The following PTPRD variants were observed in gnomAD, a reference collection of about 807,000 sequenced individuals.
PTPRD encodes the protein receptor-type tyrosine-protein phosphatase delta.
In PTPRD, 34 loss-of-function variants were observed where a neutral mutation model predicts 214.5. The observed-to-expected ratio is 0.16, with a 90% confidence interval of 0.12 to 0.21. The LOEUF (loss-of-function observed/expected upper bound fraction) is 0.21. Ranked by LOEUF, PTPRD falls within the 10% of genes least tolerant of loss-of-function variation. PTPRD has a pLI of 1.00. For synonymous variants in PTPRD, 1,128 were observed against 845.7 expected, an observed-to-expected ratio of 1.33 and a Z score of -5.79; for missense variants, 2,545 against 2,398.7, an observed-to-expected ratio of 1.06 and a Z score of -1.27.
chr9:10,506,437 G>A (rs535194909), intron 2 of PTPRD, among the ~76,000 whole-genome samples: 32 of 152,006 alleles, frequency 2.1e-4, no homozygotes, highest in African/African-American at 6.3e-4. Context: ...TCATGATTTC[G>A]ACTAATTTAT....
At chr9:9,126,331 G>A (rs116195460) in intron 10 of PTPRD, among the ~76,000 whole-genome samples, 201 of 152,218 alleles carry the variant, frequency 1.3e-3, no homozygotes, top group African/African-American at 4.5e-3. Context: ...GTTGCCAACC[G>A]GTCAGAAGGA....
chr9:9,936,581 G>T lies in PTPRD; in HGVS notation c.-368+1926C>A, dbSNP rs1347191002. The stretch of plus-strand genomic sequence containing the variant: ...ATTAAAAAGTCAGTAAACAACAGGT[G>T]CTGGAGAGGATGTGGAGAAATAGGA... On this transcript the variant is annotated intron_variant, in intron 5 of 45. Transcript: ENST00000381196. 4.6e-4 allele frequency among the ~76,000 whole-genome samples: 64 copies of T among 137,762 alleles called. 2 individuals carry two copies. The highest frequency in any genetic ancestry group is 3.3e-4 in the Non-Finnish European group (22 of 66,340). The allele number at this position is 137,762 out of a possible 152,430, so 90.4% of individuals were successfully genotyped here.
Position 9,450,124 on chromosome 9 carries a change from G to C in PTPRD, c.-236-52642C>G, listed in dbSNP as rs1489733249. On this transcript the variant is annotated intron_variant, in intron 8 of 45. Transcript: ENST00000381196. ...TGTGTGTGTGTGTGTGTGTGTCTGT[G>C]TGTGTGTGTGTGTGTGTATTACAGT... Among the ~76,000 whole-genome samples, 109 of 148,338 alleles carry C rather than the reference G, an allele frequency of 7.3e-4. 3 individuals are homozygous for C. Among genetic ancestry groups the C allele is most frequent in the South Asian group, 2.3e-3 (11 of 4,722 alleles).
At chr9:8,827,851 C>G (rs191003839) in intron 11 of PTPRD, among the ~76,000 whole-genome samples, 239 of 152,150 alleles carry the variant, frequency 1.6e-3, no homozygotes, top group Non-Finnish European at 2.4e-3. Context: ...TGAATAGGAC[C>G]TATTGAAAAG....
chr9:9,914,452 G>C (rs1162959241), intron 5 of PTPRD, among the ~76,000 whole-genome samples: 1 of 152,112 alleles, frequency 6.6e-6, no homozygotes, highest in Non-Finnish European at 1.5e-5. Context: ...AGGGGCCTAA[G>C]AAATAACCCT....
At chr9:10,182,445 G>A (rs989580260) in intron 3 of PTPRD, among the ~76,000 whole-genome samples, 2 of 151,134 alleles carry the variant, frequency 1.3e-5, no homozygotes, top group African/African-American at 4.9e-5. Context: ...TGGAAAATAG[G>A]GGAGATCAAA....
rs567141450 is a variant in PTPRD at position 9,129,259 on chromosome 9, G to A, written c.-143+54045C>T. Among the ~76,000 whole-genome samples, 8 of 152,228 alleles carry A rather than the reference G, an allele frequency of 5.3e-5. 1 individual carries two copies. The East Asian group carries it at 7.7e-4, about 15-fold the overall frequency. On this transcript the variant is annotated intron_variant, in intron 10 of 45. Coordinates refer to ENST00000381196, the MANE Select transcript of PTPRD (RefSeq NM_002839.4). ...ACCAAAATTAGCCAGGCATGGTAGCGGGCGGCTGTAATCCCAGCTACTTGG... is the reference window on the plus strand; with the variant it reads ...ACCAAAATTAGCCAGGCATGGTAGCAGGCGGCTGTAATCCCAGCTACTTGG...
chr9:8,786,092 G>A (rs537216155), intron 11 of PTPRD, among the ~76,000 whole-genome samples: 64 of 151,092 alleles, frequency 4.2e-4, no homozygotes, highest in Admixed American at 7.9e-4. Flanking sequence ...ATTGTTCACC[G>A]CTAGTGGCAA....
intron 10 of PTPRD, among the ~76,000 whole-genome samples, chr9:9,079,759 T>C (rs973676376): frequency 1.3e-5 from 2 of 152,064 alleles, no homozygotes; most frequent in African/African-American, 4.8e-5. Context: ...ATGTATGCAC[T>C]TATGTACTTT....
At chr9:9,618,740 A>T (rs1405205102) in intron 7 of PTPRD, among the ~76,000 whole-genome samples, 1 of 152,204 alleles carries the variant, frequency 6.6e-6, no homozygotes, top group Non-Finnish European at 1.5e-5. Flanking sequence ...TCTGAATTTC[A>T]GGAAAGAATT....
chr9:8,491,999 C>G (rs2097160496), intron 27 of PTPRD, among the ~76,000 whole-genome samples: 1 of 152,212 alleles, frequency 6.6e-6, no homozygotes, highest in Non-Finnish European at 1.5e-5. Context: ...ACTCATTCTA[C>G]AATGCCAGAT....
At chr9:8,373,302 C>T (rs899227478) in intron 39 of PTPRD, among the ~76,000 whole-genome samples, 2 of 152,076 alleles carry the variant, frequency 1.3e-5, no homozygotes, top group African/African-American at 4.8e-5. Context: ...GTTGACATGA[C>T]CCTCCTAAAT....
At chr9:9,298,622 T>C (rs1954045704) in intron 9 of PTPRD, among the ~76,000 whole-genome samples, 1 of 151,754 alleles carries the variant, frequency 6.6e-6, no homozygotes, top group Non-Finnish European at 1.5e-5. Context: ...ACCAAATCAG[T>C]AGAGGAGCAA....
chr9:9,685,996 G>C (rs1224314768), intron 7 of PTPRD, among the ~76,000 whole-genome samples: 1 of 151,200 alleles, frequency 6.6e-6, no homozygotes, highest in Non-Finnish European at 1.5e-5. Flanking sequence ...AAATCTTCCT[G>C]ACAATCTGGA....
chr9:10,171,973 T>A (rs1336831384), intron 3 of PTPRD, among the ~76,000 whole-genome samples: 1 of 152,210 alleles, frequency 6.6e-6, no homozygotes, highest in African/African-American at 2.4e-5. Context: ...CCTTGGTCAA[T>A]ATTTCAAGGA....
At chr9:8,831,392 A>G (rs764995909) in intron 11 of PTPRD, among the ~76,000 whole-genome samples, 2 of 152,018 alleles carry the variant, frequency 1.3e-5, no homozygotes, top group Non-Finnish European at 2.9e-5. Context: ...CCATTACACC[A>G]TTATGAAACT....
Position 9,032,633 on chromosome 9 carries a change from A to G in PTPRD, c.-142-13898T>C, listed in dbSNP as rs538524496. On this transcript the variant is annotated intron_variant, in intron 10 of 45. Transcript: ENST00000381196. ...ATTGGTGCTAGAAAAAAAAAATATG[A>G]TTAAAAGGATGTGACATTTTCTGCA... Among the ~76,000 whole-genome samples the G allele has an allele frequency of 3.4e-5, 5 of 146,372 alleles. No homozygotes were observed. The South Asian group carries it at 1.1e-3, about 32-fold the overall frequency.
At chr9:8,493,092 T>G (rs1177032133) in intron 26 of PTPRD, 113 bp from the exon 27 acceptor site, 7 of 831,416 alleles carry the variant, frequency 8.4e-6, no homozygotes, top group Non-Finnish European at 1.4e-5. Flanking sequence ...CTTGCAGCCA[T>G]GCTAAGCCCT....
At chr9:9,787,088 G>C (rs144045347) in intron 5 of PTPRD, among the ~76,000 whole-genome samples, 14 of 151,802 alleles carry the variant, frequency 9.2e-5, no homozygotes, top group Admixed American at 5.2e-4. Context: ...AGTGATCTGA[G>C]ATCGCACCAC....
Sources: allele counts gnomAD v4.1 joint callset (sites outside exome capture counted in the v4.1 genomes callset), GRCh38; gene constraint gnomAD v4.1.1; transcripts MANE v1.5; gene names NCBI Gene and HGNC (gene_info 2026-07-23, HGNC 2026-07-21).